MGAT5B: variants seen among roughly 807,000 people sequenced by gnomAD.
The protein encoded by MGAT5B is N-acetylglucosaminyl-transferase Vb.
A neutral mutation model predicts 95.1 loss-of-function variants in MGAT5B; 54 were observed. The ratio of observed to expected loss-of-function variants is 0.57; its 90% confidence interval spans 0.46 to 0.71. The LOEUF (loss-of-function observed/expected upper bound fraction) is 0.71. Ranked by LOEUF, MGAT5B falls within the 30% of genes least tolerant of loss-of-function variation. MGAT5B has a pLI of 0.00. For missense variants in MGAT5B, 935 were observed against 1,088.6 expected (o/e 0.86, Z 1.99); for synonymous variants, 464 against 451.0 (o/e 1.03, Z -0.36).
chr17:76,914,471 C>G lies in MGAT5B; in HGVS notation c.1025+8284C>G, dbSNP rs1479166108. ...ATGTGTCCTCTTACAGTCCTGAAGG[C>G]TGGAAGTCTGAAATCAAGACTCCCT... On this transcript the variant is annotated intron_variant, in intron 8 of 17. Coordinates refer to ENST00000569840, the MANE Select transcript of MGAT5B (RefSeq NM_001199172.2). The surrounding 1 kb of genome is among the most constrained non-coding windows in gnomAD (Gnocchi z 5.1). Among the ~76,000 whole-genome samples the G allele has an allele frequency of 6.6e-6, 1 of 152,174 alleles. No individual in the cohort carries two copies. Among genetic ancestry groups the G allele is most frequent in the Non-Finnish European group, 1.5e-5 (1 of 68,034 alleles).
At chr17:76,913,975 C>A (rs182011779) in intron 8 of MGAT5B, 7 of 352,552 alleles carry the variant, frequency 2.0e-5, no homozygotes, top group Middle Eastern at 9.7e-4. Context: ...GCCAAGTGCG[C>A]CTGTGGTCCC....
In MGAT5B at chr17:76,903,382, G is replaced by A; in HGVS notation, c.519+6G>A. ...ACTGCTCAGGGAAGGTGGAGGTGAG[G>A]CCTGGGGCTGAGGGGTGGGGATGTC... On this transcript the variant is annotated splice_donor_region_variant and intron_variant, in intron 5 of 17. Coordinates refer to ENST00000569840, the MANE Select transcript of MGAT5B (RefSeq NM_001199172.2). The A allele has an allele frequency of 6.2e-7, 1 of 1,608,366 alleles. No homozygotes were observed. Among genetic ancestry groups the A allele is most frequent in the Non-Finnish European group, 8.5e-7 (1 of 1,177,174 alleles).
chr17:76,889,661 T>A lies in MGAT5B; in HGVS notation c.329+7363T>A, dbSNP rs1178433912. ...TAATCATCATAATAATTAATGATGA[T>A]AATAATCAATGACAATAGCAAATAA... is the stretch of plus-strand genomic sequence containing the variant. On this transcript the variant is annotated intron_variant, in intron 3 of 17. Transcript: ENST00000569840. This position sits in a 1 kb window ranked among gnomAD's most constrained non-coding sequence, Gnocchi z 4.4. Among the ~76,000 whole-genome samples, 1 of 151,472 alleles carries A rather than the reference T, an allele frequency of 6.6e-6. No homozygotes were observed. Among genetic ancestry groups the A allele is most frequent in the Non-Finnish European group, 1.5e-5 (1 of 67,984 alleles).
rs1968566795 is a variant in MGAT5B at position 76,907,260 on chromosome 17, A to G, written c.1025+1073A>G. On this transcript the variant is annotated intron_variant, in intron 8 of 17. Coordinates refer to ENST00000569840, the MANE Select transcript of MGAT5B (RefSeq NM_001199172.2). ...GAGATGGGGTTTCAGCATGTTGCCC[A>G]GGCTGGTCTTGAGCTCCCAACCTCT... 3.3e-5 allele frequency among the ~76,000 whole-genome samples: 5 copies of G among 152,336 alleles called. No homozygotes were observed. The South Asian group carries it at 1.0e-3, about 32-fold the overall frequency.
At chr17:76,882,457 A>G (rs913491400) in intron 3 of MGAT5B, 159 bp downstream of exon 3, 4 of 809,898 alleles carry the variant, frequency 4.9e-6, no homozygotes, top group Non-Finnish European at 7.0e-6. Flanking sequence ...AAATTTAACA[A>G]CCGTTAACAT....
At chr17:76,921,036 C>A (rs1448425492) in intron 8 of MGAT5B, among the ~76,000 whole-genome samples, 2 of 152,152 alleles carry the variant, frequency 1.3e-5, no homozygotes, top group African/African-American at 4.8e-5. Flanking sequence ...GGGACATTGA[C>A]CAGGTGTGTC....
rs529332977 is a variant in MGAT5B, at chr17:76,872,635, G to T, written c.69-216G>T. 6.2e-6 allele frequency: 9 copies of T among 1,456,778 alleles called. No homozygotes were observed. In the Admixed American group the frequency reaches 7.7e-5, roughly 13 times the overall value. 90.2% of individuals were successfully genotyped at this position (1,456,778 alleles called of 1,614,324 possible). On this transcript the variant is annotated intron_variant, in intron 1 of 17. Transcript: ENST00000569840. ...GCGTCATTCTGCCTTGTGGTTTCTC[G>T]TGTGGCTCGAGGCCAGCATCTTGTA...
At position 76,906,280 on chromosome 17, in the gene MGAT5B, T is replaced by C; in HGVS notation, c.1025+93T>C. The C allele has an allele frequency of 7.8e-7, 1 of 1,281,070 alleles. No individual in the cohort carries two copies. Among genetic ancestry groups the C allele is most frequent in the Non-Finnish European group, 1.1e-6 (1 of 948,576 alleles). The allele number at this position is 1,281,070 out of a possible 1,614,324, so 79.4% of individuals were successfully genotyped here. Reference sequence around the variant, plus strand: ...CCCTCCCAGGGGCTGTGGGAGCACCTGCTCTGCCTGCAGGTCCCACGGCCC... The same window carrying C: ...CCCTCCCAGGGGCTGTGGGAGCACCCGCTCTGCCTGCAGGTCCCACGGCCC... On this transcript the variant is annotated intron_variant, in intron 8 of 17. Coordinates refer to ENST00000569840, the MANE Select transcript of MGAT5B (RefSeq NM_001199172.2). This position sits in a 1 kb window ranked among gnomAD's most constrained non-coding sequence, Gnocchi z 4.6.
chr17:76,932,593 G>C, intron 10 of MGAT5B, 52 bp from the exon 11 acceptor site: 1 of 1,608,812 alleles, frequency 6.2e-7, no homozygotes, highest in Non-Finnish European at 8.5e-7. Context: ...GAGGCCTGGG[G>C]CTGCCCTTGG....
At chr17:76,883,538 C>T (rs1967509282) in intron 3 of MGAT5B, among the ~76,000 whole-genome samples, 2 of 152,146 alleles carry the variant, frequency 1.3e-5, no homozygotes, top group African/African-American at 4.8e-5. Flanking sequence ...TCTCCTGGAC[C>T]TCAGAGAACA....
chr17:76,946,025 G>A (rs1970015480), intron 15 of MGAT5B, among the ~76,000 whole-genome samples: 1 of 144,996 alleles, frequency 6.9e-6, no homozygotes, highest in African/African-American at 2.5e-5. Flanking sequence ...AGCAGGTGAT[G>A]CCTAAGAGGG....
intron 15 of MGAT5B, among the ~76,000 whole-genome samples, chr17:76,943,041 C>CACCCT (rs879475315): frequency 2.0e-5 from 3 of 149,908 alleles, no homozygotes; most frequent in African/African-American, 7.4e-5. Flanking sequence ...CTTGCCCCCC[C>CACCCT]GGGAGGCCCA....
intron 3 of MGAT5B, among the ~76,000 whole-genome samples, chr17:76,892,982 G>A (rs1967931849): frequency 6.6e-6 from 1 of 152,170 alleles, no homozygotes; most frequent in Non-Finnish European, 1.5e-5. Context: ...AAGGGCTGAG[G>A]GGTGAGCTCC....
intron 8 of MGAT5B, among the ~76,000 whole-genome samples, chr17:76,909,977 G>A (rs542570790): frequency 6.6e-6 from 1 of 152,316 alleles, no homozygotes; most frequent in Admixed American, 6.5e-5. Context: ...GCAGCTACAC[G>A]CCTGTGGCTG....
At position 76,869,203 on chromosome 17, in the gene MGAT5B, C is replaced by A. The variant is rs1966902973; in HGVS notation, c.68+106C>A. On this transcript the variant is annotated intron_variant, in intron 1 of 17. Coordinates refer to ENST00000569840, the MANE Select transcript of MGAT5B (RefSeq NM_001199172.2). The surrounding 1 kb of genome is among the most constrained non-coding windows in gnomAD (Gnocchi z 7.0). ...AGTCCTGGTGGCAGAGGGGGCGGTT[C>A]ACACTTCAACCCCTGGTGATGACCA... The A allele has an allele frequency of 4.1e-6, 4 of 979,734 alleles. No individual in the cohort carries two copies. The highest frequency in any genetic ancestry group is 1.8e-5 in the Admixed American group (1 of 56,012). The allele number at this position is 979,734 out of a possible 1,614,324, so 60.7% of individuals were successfully genotyped here. A position where few individuals can be genotyped will look rare whatever the true frequency, so the allele number is the denominator to read the frequency against.
chr17:76,918,044 G>A lies in MGAT5B; in HGVS notation c.1026-6922G>A, dbSNP rs1423765965. Among the ~76,000 whole-genome samples the A allele has an allele frequency of 6.6e-6, 1 of 152,214 alleles. No homozygotes were observed. Among genetic ancestry groups the A allele is most frequent in the Non-Finnish European group, 1.5e-5 (1 of 68,046 alleles). On this transcript the variant is annotated intron_variant, in intron 8 of 17. Transcript: ENST00000569840. This position sits in a 1 kb window ranked among gnomAD's most constrained non-coding sequence, Gnocchi z 5.1. The stretch of plus-strand genomic sequence containing the variant: ...GTGGTCTCCTCCAGCTCTCCTGGGA[G>A]CATGGCCCTATTCTTAGCACTGAGT...
At chr17:76,926,131 G>T (rs1969304836) in intron 9 of MGAT5B, among the ~76,000 whole-genome samples, 1 of 152,128 alleles carries the variant, frequency 6.6e-6, no homozygotes, top group South Asian at 2.1e-4. Flanking sequence ...GGCAGTGCCT[G>T]GGACCCTGCC....
chr17:76,935,016 G>C (rs1290331300), intron 12 of MGAT5B, among the ~76,000 whole-genome samples: 5 of 152,176 alleles, frequency 3.3e-5, no homozygotes, highest in Admixed American at 3.3e-4. Flanking sequence ...GGTGAACTTT[G>C]TGCTAAGCGG....
At chr17:76,927,350 C>T (rs555259430) in intron 10 of MGAT5B, among the ~76,000 whole-genome samples, 1 of 152,304 alleles carries the variant, frequency 6.6e-6, no homozygotes, top group East Asian at 1.9e-4. Context: ...AGTGATCCTC[C>T]TGCCTCAGCC....
Sources: gnomAD v4.1 joint callset for allele counts (sites outside exome capture counted in the v4.1 genomes callset) on GRCh38, gnomAD v4.1.1 for gene constraint, Gnocchi (gnomAD v3.1) non-coding constraint, MANE v1.5 for transcripts, NCBI Gene and HGNC (gene_info 2026-07-23, HGNC 2026-07-21) for gene names.